Variants in ART3 observed in about 807,000 individuals in gnomAD.
ART3 encodes ADP-ribosyltransferase 3 (inactive), also known as ecto-ADP-ribosyltransferase 3.
In ART3, 49 loss-of-function variants were observed where a neutral mutation model predicts 48.5. That is an observed-to-expected ratio of 1.01 (90% confidence interval 0.80 to 1.28). The LOEUF (loss-of-function observed/expected upper bound fraction) is 1.28. ART3 is among the 50% of genes most tolerant of loss of function. The pLI, the probability that ART3 is intolerant of heterozygous loss-of-function variation, is 0.00. For synonymous variants in ART3, 145 were observed against 157.2 expected, an observed-to-expected ratio of 0.92 and a Z score of 0.58; for missense variants, 438 against 454.3, an observed-to-expected ratio of 0.96 and a Z score of 0.33.
intron 4 of ART3, among the ~76,000 whole-genome samples, chr4:76,098,022 C>T (rs1726401305): frequency 6.6e-6 from 1 of 152,188 alleles, no homozygotes; most frequent in African/African-American, 2.4e-5. Flanking sequence ...CCATTTCCCA[C>T]TTGACTCCTA....
At chr4:76,102,405 T>C (rs1472962737) in intron 8 of ART3, among the ~76,000 whole-genome samples, 2 of 152,200 alleles carry the variant, frequency 1.3e-5, no homozygotes, top group Non-Finnish European at 2.9e-5. Context: ...ATTTCGATTT[T>C]TAGTCTGGTC....
chr4:76,073,555 G>C (rs1720541143), upstream of ART3, among the ~76,000 whole-genome samples: 1 of 152,064 alleles, frequency 6.6e-6, no homozygotes, highest in Non-Finnish European at 1.5e-5. Context: ...ATGTTTTCTT[G>C]AAGTAATATA....
chr4:76,106,022 T>A lies in ART3; in HGVS notation c.1003+1393T>A, dbSNP rs74560097. On this transcript the variant is annotated intron_variant, in intron 10 of 11. Coordinates refer to ENST00000355810, the MANE Select transcript of ART3 (RefSeq NM_001130016.3). ...TGTATTGTGCCCTCTCCTGGAAAGC[T>A]ATGTGTAGCTTTTTAAAAGGTGATG... 1.5e-3 allele frequency: 1,447 copies of A among 985,444 alleles called. 30 individuals are homozygous for A. The African/African-American group carries it at 0.023, about 16-fold the overall frequency. 61.0% of individuals were successfully genotyped at this position (985,444 alleles called of 1,614,324 possible).
At chr4:76,068,026 C>G (rs1336795090) in intron 1 of ART3, among the ~76,000 whole-genome samples, 3 of 152,168 alleles carry the variant, frequency 2.0e-5, no homozygotes, top group African/African-American at 7.2e-5. Context: ...CTTTCCTCAT[C>G]ATTCATGGGC....
intron 1 of ART3, among the ~76,000 whole-genome samples, chr4:76,047,776 A>G (rs1735654629): frequency 6.6e-6 from 1 of 151,946 alleles, no homozygotes; most frequent in African/African-American, 2.4e-5. Context: ...CTCGGGCTGC[A>G]GCTAAAGCCA....
chr4:76,050,608 A>C (rs1014088726), intron 1 of ART3, among the ~76,000 whole-genome samples: 3 of 152,196 alleles, frequency 2.0e-5, no homozygotes, highest in Admixed American at 1.3e-4. Flanking sequence ...TGGATCCCGC[A>C]CCAGGGCTGC....
intron 3 of ART3, among the ~76,000 whole-genome samples, chr4:76,088,861 G>A (rs1724198954): frequency 6.6e-6 from 1 of 152,018 alleles, no homozygotes; most frequent in Admixed American, 6.6e-5. Flanking sequence ...GACACTGGGT[G>A]AACTACTAGC....
intron 1 of ART3, among the ~76,000 whole-genome samples, chr4:76,040,479 C>CACACACAT (rs1160410234): frequency 4.7e-5 from 7 of 149,864 alleles, no homozygotes; most frequent in African/African-American, 1.7e-4. Context: ...CACACACACA[C>CACACACAT]ATTTCGCCTA....
At chr4:76,079,872 T>G (rs539980061) in intron 2 of ART3, among the ~76,000 whole-genome samples, 1 of 151,804 alleles carries the variant, frequency 6.6e-6, no homozygotes, top group Non-Finnish European at 1.5e-5. Context: ...TTAGTATCTC[T>G]GTCTCTCTCT....
intron 11 of ART3, among the ~76,000 whole-genome samples, chr4:76,108,848 C>T (rs544645617): frequency 6.6e-5 from 10 of 152,102 alleles, no homozygotes; most frequent in Admixed American, 5.2e-4. Flanking sequence ...CTGTAGGCAG[C>T]GGTAACACAG....
At chr4:76,098,397 A>G (rs758926025) in intron 4 of ART3, among the ~76,000 whole-genome samples, 9 of 152,216 alleles carry the variant, frequency 5.9e-5, no homozygotes, top group Non-Finnish European at 1.3e-4. Flanking sequence ...AAAGTTTAAA[A>G]ACATACCAAA....
At chr4:76,090,522 G>A (rs903295671) in intron 3 of ART3, among the ~76,000 whole-genome samples, 8 of 152,178 alleles carry the variant, frequency 5.3e-5, no homozygotes, top group Non-Finnish European at 1.2e-4. Flanking sequence ...GAAAGAGATA[G>A]GGAACTTGTG....
rs540739826 is a variant in ART3, at chr4:76,067,295, A to C, written c.-9-8586A>C. Among the ~76,000 whole-genome samples, 7 of 152,334 alleles carry C rather than the reference A, an allele frequency of 4.6e-5. No individual in the cohort carries two copies. The South Asian group carries it at 1.5e-3, about 32-fold the overall frequency. ...GCTTAGGGAAGGTAACTGGGGTACAAACCAGTTTATGATCTTCTTTAAGAA... is the reference window on the plus strand; with the variant it reads ...GCTTAGGGAAGGTAACTGGGGTACACACCAGTTTATGATCTTCTTTAAGAA... On this transcript the variant is annotated intron_variant, in intron 1 of 9. Transcript: ENST00000341029.
intron 1 of ART3, among the ~76,000 whole-genome samples, chr4:76,060,961 C>G (rs1331070593): frequency 6.6e-6 from 1 of 152,218 alleles, no homozygotes; most frequent in African/African-American, 2.4e-5. Flanking sequence ...CAGAAAGTAA[C>G]TTAGCCCTGC....
intron 1 of ART3, among the ~76,000 whole-genome samples, chr4:76,039,915 A>G (rs944556721): frequency 1.2e-4 from 18 of 152,244 alleles, no homozygotes; most frequent in African/African-American, 4.3e-4. Flanking sequence ...TTTCTCCTTC[A>G]GTACTCTGCT....
intron 3 of ART3, among the ~76,000 whole-genome samples, chr4:76,087,162 G>A (rs890987032): frequency 6.6e-5 from 10 of 152,202 alleles, no homozygotes; most frequent in Non-Finnish European, 4.4e-5. Context: ...GGGCAATGGA[G>A]CCCACAGACT....
chr4:76,094,417 A>T (rs1224493254), intron 3 of ART3, among the ~76,000 whole-genome samples: 2 of 152,094 alleles, frequency 1.3e-5, no homozygotes, highest in Non-Finnish European at 2.9e-5. Flanking sequence ...GTAGTTTTTG[A>T]TTGGGTGCCA....
At chr4:76,080,085 A>G (rs1722127242) in intron 2 of ART3, among the ~76,000 whole-genome samples, 1 of 152,174 alleles carries the variant, frequency 6.6e-6, no homozygotes, top group Non-Finnish European at 1.5e-5. Context: ...GCACCATACA[A>G]GTATAGACTA....
At chr4:76,051,803 A>G (rs1168732429) in intron 1 of ART3, among the ~76,000 whole-genome samples, 1 of 151,968 alleles carries the variant, frequency 6.6e-6, no homozygotes, top group Non-Finnish European at 1.5e-5. Context: ...CAACCTCCCA[A>G]AGTGCTGGGA....
Sources: gnomAD v4.1 joint callset for allele counts (sites outside exome capture counted in the v4.1 genomes callset) on GRCh38, gnomAD v4.1.1 for gene constraint, MANE v1.5 for transcripts, NCBI Gene and HGNC (gene_info 2026-07-23, HGNC 2026-07-21) for gene names.